PER2: variants seen among roughly 807,000 people sequenced by gnomAD.
The protein encoded by PER2 is period circadian protein homolog 2.
In PER2, 66 loss-of-function variants were observed where a neutral mutation model predicts 121.0. The observed-to-expected ratio is 0.55, with a 90% CI of 0.45 to 0.67. The LOEUF (loss-of-function observed/expected upper bound fraction) is 0.67. Ranked by LOEUF, PER2 falls within the 30% of genes least tolerant of loss-of-function variation. PER2 has a pLI of 0.00. For synonymous variants in PER2, 684 were observed against 659.9 expected, an observed-to-expected ratio of 1.04 and a Z score of -0.56; for missense variants, 1,521 against 1,635.0, an observed-to-expected ratio of 0.93 and a Z score of 1.20.
At chr2:238,287,517 T>A (rs1696824189) in intron 1 of PER2, among the ~76,000 whole-genome samples, 3 of 152,208 alleles carry the variant, frequency 2.0e-5, no homozygotes, top group African/African-American at 7.2e-5. Flanking sequence ...GTGGGGTTCT[T>A]AACACATTTC....
At chr2:238,294,615 T>C (rs1183180818), upstream of PER2, among the ~76,000 whole-genome samples, 1 of 152,230 alleles carries the variant, frequency 6.6e-6, no homozygotes, top group Non-Finnish European at 1.5e-5. Flanking sequence ...CTGCATTCCA[T>C]TGTCCCTTTG....
chr2:238,262,100 C>A, intron 11 of PER2, 91 bp downstream of exon 11: 1 of 1,281,038 alleles, frequency 7.8e-7, no homozygotes. Flanking sequence ...CCTCTCAGCC[C>A]CTCCCTATGC....
At chr2:238,266,598 T>C (rs1696120361) in intron 8 of PER2, among the ~76,000 whole-genome samples, 1 of 152,254 alleles carries the variant, frequency 6.6e-6, no homozygotes, top group Non-Finnish European at 1.5e-5. Flanking sequence ...TGAAGGAGAC[T>C]GGTAATTTGG....
At position 238,245,541 on chromosome 2, in the gene PER2, T is replaced by C. The variant is rs901865637; in HGVS notation, c.*834A>G. The C allele has an allele frequency of 2.5e-6, 1 of 398,592 alleles. No homozygotes were observed. The highest frequency in any genetic ancestry group is 4.4e-6 in the Non-Finnish European group (1 of 226,068). The allele number at this position is 398,592 out of a possible 1,614,324, so 24.7% of individuals were successfully genotyped here. ...CAGGACTGGGTCTCACATGTGTTGG[T>C]CACAGCCTGGTTTGCAAAGGGAAGT... On this transcript the variant is annotated 3_prime_UTR_variant, in exon 23 of 23. Transcript: ENST00000254657.
upstream of PER2, chr2:238,289,049 C>T (rs984765778): frequency 2.6e-5 from 4 of 152,248 alleles, no homozygotes; most frequent in Non-Finnish European, 5.9e-5. Flanking sequence ...GCGTCGGCGC[C>T]TTCCATTCAC....
the PER2 span, among the ~76,000 whole-genome samples, chr2:238,297,746 G>T: frequency 6.6e-6 from 1 of 152,202 alleles, no homozygotes; most frequent in Admixed American, 6.5e-5. Context: ...TGCCATAGGT[G>T]CTGCCAGGGC....
intron 6 of PER2, among the ~76,000 whole-genome samples, chr2:238,269,225 A>G (rs1696206979): frequency 6.6e-6 from 1 of 152,270 alleles, no homozygotes; most frequent in Admixed American, 6.5e-5. Flanking sequence ...CAGGAGGCTT[A>G]CATTTTCAAA....
intron 10 of PER2, among the ~76,000 whole-genome samples, 165 bp from the exon 11 acceptor site, chr2:238,262,509 T>C (rs1250890288): frequency 6.6e-6 from 1 of 152,164 alleles, no homozygotes; most frequent in South Asian, 2.1e-4. Flanking sequence ...TTGCTGTAGA[T>C]TACCAGGAGG....
chr2:238,289,369 C>G (rs1696902149), upstream of PER2: 1 of 152,252 alleles, frequency 6.6e-6, no homozygotes, highest in African/African-American at 2.4e-5. Flanking sequence ...CCTGCAGCAG[C>G]TCCGGGGGCA....
intron 4 of PER2, among the ~76,000 whole-genome samples, chr2:238,275,082 G>A (rs755475613): frequency 3.3e-5 from 5 of 152,222 alleles, no homozygotes; most frequent in Non-Finnish European, 7.3e-5. Context: ...TGTACACTGT[G>A]CTTTGAAACG....
At chr2:238,278,255 G>C (rs779690820) in intron 1 of PER2, among the ~76,000 whole-genome samples, 6 of 152,126 alleles carry the variant, frequency 3.9e-5, no homozygotes, top group Non-Finnish European at 7.4e-5. Context: ...ATTTTTGGTA[G>C]AGACAGGGTT....
rs755163197 is a variant in PER2, at chr2:238,252,918, A to G, written c.3105T>C (p.Pro1035=). Residue 1035 remains proline (P), a synonymous_variant, in exon 19 of 23, where the codon CCT becomes CCC. Coordinates refer to ENST00000254657, the MANE Select transcript of PER2 (RefSeq NM_022817.3). This position sits in a 1 kb window ranked among gnomAD's most constrained non-coding sequence, Gnocchi z 4.2. ...GTSRDQQPKA[P]LTRDEPSDTQ... is the part of the protein sequence containing the mutation. The stretch of plus-strand genomic sequence containing the variant: ...AGCATCAGAAAATCCTTACGGTCAG[A>G]GGCGCCTTCGGCTGCTGGTCCCGAG... 1.8e-5 allele frequency: 29 copies of G among 1,613,066 alleles called. No individual in the cohort carries two copies. The highest frequency in any genetic ancestry group is 4.0e-5 in the African/African-American group (3 of 74,870).
Position 238,277,952 on chromosome 2 carries a change from G to A in PER2, c.-16C>T, listed in dbSNP as rs570615419. On this transcript the variant is annotated 5_prime_UTR_variant, in exon 2 of 23. Coordinates refer to ENST00000254657, the MANE Select transcript of PER2 (RefSeq NM_022817.3). Reference sequence around the variant, plus strand: ...ATCCATTCATGCTGGGCTCTGGAACGAAGCTGGCAAACAGAGGGATGCTGT... The same window carrying A: ...ATCCATTCATGCTGGGCTCTGGAACAAAGCTGGCAAACAGAGGGATGCTGT... The A allele has an allele frequency of 6.2e-6, 10 of 1,611,834 alleles. No homozygotes were observed. The East Asian group carries it at 1.1e-4, about 18-fold the overall frequency.
intron 5 of PER2, among the ~76,000 whole-genome samples, chr2:238,271,800 C>A (rs1334437863): frequency 1.3e-5 from 2 of 152,180 alleles, no homozygotes; most frequent in African/African-American, 4.8e-5. Flanking sequence ...CCATAAACCA[C>A]AAATAACATC....
At chr2:238,298,031 CTT>C in the PER2 span, among the ~76,000 whole-genome samples, 19 of 128,354 alleles carry the variant, frequency 1.5e-4, no homozygotes, top group Admixed American at 2.5e-4. Context: ...AGCTTTTGTT[CTT>C]TTTTTTTTTT....
rs1645179289 is a variant in PER2 at position 238,268,842 on chromosome 2, C to T, written c.824+81G>A. 1.9e-6 allele frequency: 2 copies of T among 1,026,452 alleles called. No homozygotes were observed. Among genetic ancestry groups the T allele is most frequent in the Admixed American group, 1.7e-5 (1 of 58,152 alleles). 63.6% of individuals were successfully genotyped at this position (1,026,452 alleles called of 1,614,324 possible). A position where few individuals can be genotyped will look rare whatever the true frequency, so the allele number is the denominator to read the frequency against. On this transcript the variant is annotated intron_variant, in intron 7 of 22. Transcript: ENST00000254657. This position sits in a 1 kb window ranked among gnomAD's most constrained non-coding sequence, Gnocchi z 4.0. The stretch of plus-strand genomic sequence containing the variant: ...GAGTCCCTGCAGGCAGGGATCACGC[C>T]CCCCAGCCTCAAGCGGAGCAGTGCT...
intron 1 of PER2, among the ~76,000 whole-genome samples, chr2:238,280,167 C>T (rs1228253506): frequency 6.6e-6 from 1 of 152,246 alleles, no homozygotes; most frequent in African/African-American, 2.4e-5. Context: ...GCTACACATA[C>T]AGGGTGCCGG....
At position 238,260,679 on chromosome 2, in the gene PER2, T is replaced by C. The variant is rs1039352785; in HGVS notation, c.1542+149A>G. The C allele has an allele frequency of 1.8e-5, 15 of 839,000 alleles. No individual in the cohort carries two copies. The African/African-American group carries it at 2.4e-4, about 13-fold the overall frequency. 52.0% of individuals were successfully genotyped at this position (839,000 alleles called of 1,614,324 possible). A position where few individuals can be genotyped will look rare whatever the true frequency, so the allele number is the denominator to read the frequency against. On this transcript the variant is annotated intron_variant, in intron 13 of 22. Transcript: ENST00000254657. The stretch of plus-strand genomic sequence containing the variant: ...TTTCAACTCTTAAGAGATTAAAAAG[T>C]CCCAAGTGGACAAAGTTTAGAAAGG...
chr2:238,264,496 T>G (rs1275382540), intron 9 of PER2, among the ~76,000 whole-genome samples: 6 of 152,260 alleles, frequency 3.9e-5, no homozygotes, highest in Admixed American at 1.3e-4. Flanking sequence ...GGGAGAGGTC[T>G]TGATCCTCCA....
Sources: allele counts gnomAD v4.1 joint callset (sites outside exome capture counted in the v4.1 genomes callset), GRCh38; gene constraint gnomAD v4.1.1; non-coding constraint Gnocchi (gnomAD v3.1); transcripts MANE v1.5; gene names NCBI Gene and HGNC (gene_info 2026-07-23, HGNC 2026-07-21).